PDGFD: variants seen among roughly 807,000 people sequenced by gnomAD.
PDGFD encodes platelet derived growth factor D, also known as platelet-derived growth factor D.
PDGFD carries 30 observed loss-of-function variants against 44.7 expected under a neutral mutation model. The ratio of observed to expected loss-of-function variants is 0.67; its 90% CI spans 0.50 to 0.91. The LOEUF (loss-of-function observed/expected upper bound fraction) is 0.91, where lower values mean the gene tolerates loss of function less well. Among genes scored for constraint, PDGFD ranks in the 40% least tolerant of loss-of-function variants. The probability of loss-of-function intolerance (pLI) is 0.00; values close to 1 mark genes in which losing one functional copy is unlikely to be tolerated. For missense variants in PDGFD, 445 were observed against 457.8 expected (o/e 0.97, Z 0.25); for synonymous variants, 173 against 168.4 (o/e 1.03, Z -0.21).
intron 1 of PDGFD, among the ~76,000 whole-genome samples, chr11:104,067,199 T>C (rs1023544784): frequency 4.6e-5 from 7 of 152,132 alleles, no homozygotes; most frequent in Non-Finnish European, 8.8e-5. Context: ...AAAGCAGCCA[T>C]TTCTGTATGT....
At chr11:104,098,507 CTT>C (rs34351974) in intron 1 of PDGFD, among the ~76,000 whole-genome samples, 54 of 140,268 alleles carry the variant, frequency 3.8e-4, no homozygotes, top group Admixed American at 6.5e-4. Context: ...TTCTGTTTCT[CTT>C]TTTTTTTTTT....
chr11:104,076,519 C>T (rs897585025), intron 1 of PDGFD, among the ~76,000 whole-genome samples: 2 of 152,102 alleles, frequency 1.3e-5, no homozygotes, highest in Admixed American at 1.3e-4. Flanking sequence ...TCTAATTTAT[C>T]TTTTAAAAAC....
chr11:104,144,801 G>T (rs953393772), intron 1 of PDGFD, among the ~76,000 whole-genome samples: 2 of 152,142 alleles, frequency 1.3e-5, no homozygotes, highest in African/African-American at 4.8e-5. Context: ...GGAAGTTACT[G>T]CACCTTTCTC....
At chr11:104,127,772 C>T (rs1409748323) in intron 1 of PDGFD, among the ~76,000 whole-genome samples, 1 of 152,036 alleles carries the variant, frequency 6.6e-6, no homozygotes, top group African/African-American at 2.4e-5. Context: ...GAACAACCAA[C>T]CAATGCTAAG....
chr11:103,922,752 T>G (rs1429684376), intron 6 of PDGFD, among the ~76,000 whole-genome samples: 3 of 152,048 alleles, frequency 2.0e-5, no homozygotes, highest in Admixed American at 6.6e-5. Flanking sequence ...TTTATTTATT[T>G]TTTTTTTAGA....
Position 104,023,491 on chromosome 11 carries a change from G to GA in PDGFD, c.125-23237dup, listed in dbSNP as rs1369159522. 2.0e-5 allele frequency among the ~76,000 whole-genome samples: 3 copies of GA among 150,504 alleles called. No individual in the cohort carries two copies. In the South Asian group the frequency reaches 6.3e-4, roughly 32 times the overall value. ...AGAAGTGCTGATTTTGAGTAGAAGA[G>GA]AAAAAAAAAGATGTTTATTATTTAT... On this transcript the variant is annotated intron_variant, in intron 1 of 6. Transcript: ENST00000393158.
intron 3 of PDGFD, among the ~76,000 whole-genome samples, chr11:103,995,504 T>C (rs759599896): frequency 2.6e-5 from 4 of 152,182 alleles, no homozygotes; most frequent in Admixed American, 1.3e-4. Context: ...CAAATAAGCA[T>C]GAGTGTAGCA....
intron 3 of PDGFD, among the ~76,000 whole-genome samples, chr11:103,995,206 T>A (rs1401310602): frequency 1.3e-5 from 2 of 152,090 alleles, no homozygotes; most frequent in Admixed American, 1.3e-4. Flanking sequence ...GTTTTTGGCA[T>A]CTCTACCCGA....
intron 5 of PDGFD, among the ~76,000 whole-genome samples, chr11:103,929,812 A>G (rs1472575168): frequency 6.6e-6 from 1 of 152,204 alleles, no homozygotes; most frequent in Non-Finnish European, 1.5e-5. Context: ...CCAGTGCAGC[A>G]GAGCAGGGAG....
In PDGFD at chr11:103,939,269, A is replaced by G. The variant is rs558854808; in HGVS notation, c.772+4183T>C. ...GTAGTTCTCCTTGAAGAGGTCCTTC[A>G]TGTCCCTTGTAAGTTGGATTCCTAG... On this transcript the variant is annotated intron_variant, in intron 5 of 6. Transcript: ENST00000393158. Among the ~76,000 whole-genome samples, 555 of 152,192 alleles carry G rather than the reference A, an allele frequency of 3.6e-3. 5 individuals are homozygous for G. The highest frequency in any genetic ancestry group is 0.013 in the African/African-American group (530 of 41,512).
At chr11:104,028,865 G>T (rs1860085358) in intron 1 of PDGFD, among the ~76,000 whole-genome samples, 1 of 151,722 alleles carries the variant, frequency 6.6e-6, no homozygotes, top group Non-Finnish European at 1.5e-5. Context: ...TTTAAAGTTT[G>T]TAAAGGAAAA....
intron 6 of PDGFD, among the ~76,000 whole-genome samples, chr11:103,913,689 T>C (rs1591073041): frequency 6.6e-6 from 1 of 152,152 alleles, no homozygotes; most frequent in South Asian, 2.1e-4. Context: ...CAAAAAGCCC[T>C]TCAAATAAAT....
At chr11:103,914,130 TAG>T (rs1167734741) in intron 6 of PDGFD, among the ~76,000 whole-genome samples, 1 of 152,166 alleles carries the variant, frequency 6.6e-6, no homozygotes, top group Non-Finnish European at 1.5e-5. Context: ...GGTCAGCTGT[TAG>T]GTCCAGAGTA....
At chr11:104,103,225 T>G (rs1441587280) in intron 1 of PDGFD, among the ~76,000 whole-genome samples, 1 of 152,020 alleles carries the variant, frequency 6.6e-6, no homozygotes, top group African/African-American at 2.4e-5. Context: ...AATTAATACG[T>G]GAAGTACTGA....
intron 1 of PDGFD, 141 bp downstream of exon 1, chr11:104,163,663 A>C (rs1216704785): frequency 1.4e-5 from 14 of 1,013,862 alleles, no homozygotes; most frequent in Admixed American, 2.9e-5. Context: ...GGATACAGGC[A>C]GGAGACCTCC....
At chr11:104,034,712 G>T (rs10895565) in intron 1 of PDGFD, among the ~76,000 whole-genome samples, 47,024 of 150,954 alleles carry the variant, frequency 0.31, 8,990 homozygotes, top group Admixed American at 0.5. Context: ...GCGCAATCTC[G>T]GCTTACTGCA....
intron 6 of PDGFD, among the ~76,000 whole-genome samples, chr11:103,910,708 AT>A (rs1056562707): frequency 3.9e-5 from 6 of 152,116 alleles, no homozygotes; most frequent in South Asian, 2.1e-4. Context: ...GCAGCAGTTT[AT>A]TTTTCATACC....
chr11:104,008,808 T>C lies in PDGFD; in HGVS notation c.125-8553A>G, dbSNP rs541070650. 7.2e-5 allele frequency among the ~76,000 whole-genome samples: 11 copies of C among 152,244 alleles called. No homozygotes were observed. In the South Asian group the frequency reaches 2.3e-3, roughly 32 times the overall value. On this transcript the variant is annotated intron_variant, in intron 1 of 6. Transcript: ENST00000393158. ...ATGTAACCCCAGTATATTGCCAGTCTGGGCATATGAGGCACTCAAAATATA... is the reference window on the plus strand; with the variant it reads ...ATGTAACCCCAGTATATTGCCAGTCCGGGCATATGAGGCACTCAAAATATA...
At chr11:104,152,776 T>C (rs1179974937) in intron 1 of PDGFD, among the ~76,000 whole-genome samples, 1 of 152,110 alleles carries the variant, frequency 6.6e-6, no homozygotes, top group Non-Finnish European at 1.5e-5. Flanking sequence ...TCTAAAAGTA[T>C]ATGTAATTTG....
Sources: allele counts gnomAD v4.1 joint callset (sites outside exome capture counted in the v4.1 genomes callset), GRCh38; gene constraint gnomAD v4.1.1; transcripts MANE v1.5; gene names NCBI Gene and HGNC (gene_info 2026-07-23, HGNC 2026-07-21).